Variants in DUSP11 observed in about 807,000 individuals in gnomAD.
The protein encoded by DUSP11 is RNA/RNP complex-1-interacting phosphatase.
Under a neutral mutation model 41.4 loss-of-function variants are expected in DUSP11, and 27 were observed. That is an observed-to-expected ratio of 0.65 (90% confidence interval 0.48 to 0.90). The LOEUF (loss-of-function observed/expected upper bound fraction) is 0.90. Ranked by LOEUF, DUSP11 falls within the 40% of genes least tolerant of loss-of-function variation. The probability of loss-of-function intolerance (pLI) is 0.00; values close to 1 mark genes in which losing one functional copy is unlikely to be tolerated. For missense variants in DUSP11, 465 were observed against 461.1 expected, an observed-to-expected ratio of 1.01 and a Z score of -0.08; for synonymous variants, 188 against 159.3, an observed-to-expected ratio of 1.18 and a Z score of -1.35.
At chr2:73,775,405 T>G (rs1672660506) in intron 2 of DUSP11, among the ~76,000 whole-genome samples, 1 of 147,854 alleles carries the variant, frequency 6.8e-6, no homozygotes, top group Non-Finnish European at 1.5e-5. Context: ...AGGGTGTTGC[T>G]CTGTCATCCG....
chr2:73,770,944 C>T (rs1672561870), intron 4 of DUSP11, among the ~76,000 whole-genome samples: 1 of 152,168 alleles, frequency 6.6e-6, no homozygotes, highest in Admixed American at 6.5e-5. Flanking sequence ...AGGGACTTTG[C>T]ACCTGCTGTT....
intron 5 of DUSP11, 185 bp from the exon 6 acceptor site, chr2:73,767,392 G>A (rs1672485768): frequency 2.0e-6 from 1 of 508,536 alleles, no homozygotes; most frequent in African/African-American, 2.0e-5. Context: ...TTTCAAGAAT[G>A]CAAGGATGAC....
intron 4 of DUSP11, among the ~76,000 whole-genome samples, chr2:73,770,743 C>G (rs1415910450): frequency 6.6e-6 from 1 of 152,146 alleles, no homozygotes; most frequent in Non-Finnish European, 1.5e-5. Context: ...TGGTATCAAT[C>G]TGTCTTTCCA....
intron 3 of DUSP11, 79 bp downstream of exon 3, chr2:73,774,834 C>G (rs1672648846): frequency 2.4e-6 from 3 of 1,273,086 alleles, no homozygotes; most frequent in South Asian, 3.8e-5. Context: ...CACATTAGCA[C>G]AAGATGATTA....
chr2:73,766,303 TG>T, intron 8 of DUSP11, 114 bp downstream of exon 8: 1 of 969,640 alleles, frequency 1.0e-6, no homozygotes, highest in Non-Finnish European at 1.5e-6. Flanking sequence ...AGCGAGACTC[TG>T]TCTCCAAAAA....
chr2:73,763,874 T>C (rs1672409147), intron 8 of DUSP11, among the ~76,000 whole-genome samples: 1 of 152,246 alleles, frequency 6.6e-6, no homozygotes, highest in Non-Finnish European at 1.5e-5. Flanking sequence ...TCACAGCCTA[T>C]TAGTTTCACT....
exon 4 of DUSP11, chr2:73,773,816 T>C (rs1264177269): frequency 1.2e-6 from 2 of 1,607,162 alleles, no homozygotes; most frequent in Admixed American, 3.4e-5. Context: ...CTTTATTTTC[T>C]TTCAAAAACC....
intron 8 of DUSP11, among the ~76,000 whole-genome samples, chr2:73,765,718 T>C (rs1182983101): frequency 6.6e-6 from 1 of 152,226 alleles, no homozygotes; most frequent in Non-Finnish European, 1.5e-5. Context: ...TCTGTTCAGA[T>C]CCTTTGCTAT....
rs181810021 is a variant in DUSP11 at position 73,779,600 on chromosome 2, G to A, written c.242+274C>T. 5.2e-4 allele frequency: 274 copies of A among 526,274 alleles called. 2 individuals carry two copies. The highest frequency in any genetic ancestry group is 4.0e-3 in the African/African-American group (210 of 52,636). The allele number at this position is 526,274 out of a possible 1,614,324, so 32.6% of individuals were successfully genotyped here. On this transcript the variant is annotated intron_variant, in intron 1 of 8. Transcript: ENST00000272444. ...TGGGAATTAAGGAGTGTCCCCAACA[G>A]TAACAGTCCCACCTTAAAGCAATCC...
Position 73,780,118 on chromosome 2 carries a change from G to A in DUSP11, c.-3C>T. 3 of 1,554,556 alleles carry A rather than the reference G, an allele frequency of 1.9e-6. No individual in the cohort carries two copies. Among genetic ancestry groups the A allele is most frequent in the South Asian group, 1.2e-5 (1 of 85,482 alleles). ...TCCAGCGTCTCGCTATTGCGCATGTGCCACCGCCGGTCGTGATGGCGTAGC... is the reference window on the plus strand; with the variant it reads ...TCCAGCGTCTCGCTATTGCGCATGTACCACCGCCGGTCGTGATGGCGTAGC... On this transcript the variant is annotated 5_prime_UTR_variant, in exon 1 of 9. Coordinates refer to ENST00000272444, the Ensembl canonical transcript of DUSP11.
Position 73,769,249 on chromosome 2 carries a change from G to A in DUSP11, c.635+16C>T, listed in dbSNP as rs201969536. On this transcript the variant is annotated intron_variant, in intron 5 of 8. Transcript: ENST00000272444. ...AAACAATTTAAAATGGTCTGCCTCTGGGGTTGGCAACTTACCTGCAAATGA... is the reference window on the plus strand; with the variant it reads ...AAACAATTTAAAATGGTCTGCCTCTAGGGTTGGCAACTTACCTGCAAATGA... 2 of 1,607,960 alleles carry A rather than the reference G, an allele frequency of 1.2e-6. No individual in the cohort carries two copies. The highest frequency in any genetic ancestry group is 3.3e-5 in the Admixed American group (2 of 59,896).
Position 73,779,724 on chromosome 2 carries a change from G to T in DUSP11, c.242+150C>A, listed in dbSNP as rs566547131. 7 of 1,169,522 alleles carry T rather than the reference G, an allele frequency of 6.0e-6. No individual in the cohort carries two copies. In the Admixed American group the frequency reaches 1.4e-4, roughly 23 times the overall value. 72.4% of individuals were successfully genotyped at this position (1,169,522 alleles called of 1,614,324 possible). A position where few individuals can be genotyped will look rare whatever the true frequency, so the allele number is the denominator to read the frequency against. ...AGACATCGCCCCTTTCAGCTACAGC[G>T]GGTGGCGCAGAGGGTCAAAGCCTCA... On this transcript the variant is annotated intron_variant, in intron 1 of 8. Transcript: ENST00000272444.
chr2:73,780,008 G>T (rs1349020994), exon 1 of DUSP11: 2 of 1,614,212 alleles, frequency 1.2e-6, no homozygotes, highest in East Asian at 2.2e-5. Context: ...CCAATGCCAA[G>T]TCGGCCAAAA....
intron 8 of DUSP11, among the ~76,000 whole-genome samples, chr2:73,765,625 T>A (rs1672446501): frequency 6.6e-6 from 1 of 152,186 alleles, no homozygotes; most frequent in Non-Finnish European, 1.5e-5. Flanking sequence ...GTTCTATCAT[T>A]CTGGAGAACT....
chr2:73,763,495 G>A (rs1459026125), intron 8 of DUSP11, among the ~76,000 whole-genome samples: 6 of 152,274 alleles, frequency 3.9e-5, no homozygotes, highest in Middle Eastern at 3.4e-3. Flanking sequence ...AGGCCAAGGC[G>A]GGCGGATCAC....
chr2:73,770,262 C>T (rs1177557941), intron 4 of DUSP11, among the ~76,000 whole-genome samples: 3 of 151,504 alleles, frequency 2.0e-5, no homozygotes, highest in Non-Finnish European at 4.4e-5. Context: ...CGCCTGTAAT[C>T]CCAGCCCTTT....
chr2:73,778,265 G>A (rs763502513), intron 2 of DUSP11, 36 bp downstream of exon 2: 2 of 1,447,324 alleles, frequency 1.4e-6, no homozygotes, highest in Non-Finnish European at 9.5e-7. Flanking sequence ...GGTGAACTCA[G>A]ATGCCTGAAA....
chr2:73,766,846 TG>T lies in DUSP11; in HGVS notation c.739del (p.Gln247ArgfsTer99). On this transcript the variant is annotated frameshift_variant, in exon 7 of 9. Coordinates refer to ENST00000272444, the Ensembl canonical transcript of DUSP11. LOFTEE classifies it high-confidence loss of function. Reference sequence around the variant, plus strand: ...GACTTACTTTCTGATAGGACCATTCTGAAGGTCTTCAATGTAGTTTTGTCTT... The same window carrying T: ...GACTTACTTTCTGATAGGACCATTCTAAGGTCTTCAATGTAGTTTTGTCTT... The T allele has an allele frequency of 1.2e-6, 2 of 1,613,000 alleles. No homozygotes were observed. The highest frequency in any genetic ancestry group is 1.7e-6 in the Non-Finnish European group (2 of 1,179,038).
At position 73,768,895 on chromosome 2, in the gene DUSP11, G is replaced by C. The variant is rs543650126; in HGVS notation, c.635+370C>G. 7.3e-5 allele frequency: 12 copies of C among 163,896 alleles called. No individual in the cohort carries two copies. In the East Asian group the frequency reaches 2.1e-3, roughly 29 times the overall value. 10.2% of individuals were successfully genotyped at this position (163,896 alleles called of 1,614,324 possible). A position where few individuals can be genotyped will look rare whatever the true frequency, so the allele number is the denominator to read the frequency against. On this transcript the variant is annotated intron_variant, in intron 5 of 8. Transcript: ENST00000272444. ...GGCGTGAACCTGGGAAGCAGAACTT[G>C]GAGTGAGTCGAGATGGTGCCACTGC...
Sources: allele counts gnomAD v4.1 joint callset (sites outside exome capture counted in the v4.1 genomes callset), GRCh38; gene constraint gnomAD v4.1.1; transcripts MANE v1.5; gene names NCBI Gene and HGNC (gene_info 2026-07-23, HGNC 2026-07-21).